The following LARP4B variants were observed in gnomAD, a reference collection of about 807,000 sequenced individuals.
LARP4B encodes the protein la-related protein 4B.
LARP4B carries 12 observed loss-of-function variants against 89.8 expected under a neutral mutation model. The observed-to-expected ratio is 0.13, with a 90% CI of 0.09 to 0.22. The LOEUF (loss-of-function observed/expected upper bound fraction) is 0.22. Ranked by LOEUF, LARP4B falls within the 10% of genes least tolerant of loss-of-function variation. The pLI is 1.00. For synonymous variants in LARP4B, 367 were observed against 363.3 expected (o/e 1.01, Z -0.12); for missense variants, 757 against 947.7 (o/e 0.80, Z 2.64).
At chr10:921,872 G>A (rs1039215528) in intron 1 of LARP4B, among the ~76,000 whole-genome samples, 16 of 152,242 alleles carry the variant, frequency 1.1e-4, no homozygotes, top group African/African-American at 3.4e-4. Context: ...TGAAGGCCAC[G>A]TGCACACGCA....
intron 3 of LARP4B, among the ~76,000 whole-genome samples, chr10:878,085 T>C (rs1835526735): frequency 2.0e-5 from 3 of 151,926 alleles, no homozygotes; most frequent in Admixed American, 6.6e-5. Context: ...AGCCCTGCGG[T>C]AAGGTGATGC....
chr10:864,293 C>A (rs376896759), intron 3 of LARP4B, 23 bp from the exon 4 acceptor site: 3 of 1,613,018 alleles, frequency 1.9e-6, no homozygotes, highest in East Asian at 2.2e-5. Context: ...GTAAGATAGA[C>A]ATTTGTATCC....
the LARP4B span, among the ~76,000 whole-genome samples, chr10:960,395 C>A: frequency 6.6e-6 from 1 of 151,914 alleles, no homozygotes; most frequent in Non-Finnish European, 1.5e-5. Context: ...GGACTAAGAA[C>A]GGGAGGGAGG....
chr10:833,149 G>C lies in LARP4B; in HGVS notation c.751-2172C>G, dbSNP rs149012631. 3.5e-3 allele frequency among the ~76,000 whole-genome samples: 525 copies of C among 150,604 alleles called. 3 individuals carry two copies. The highest frequency in any genetic ancestry group is 0.012 in the African/African-American group (483 of 41,038). On this transcript the variant is annotated intron_variant, in intron 8 of 17. Transcript: ENST00000316157. ...GGTCAGCTAAAAACCCTAAAGAAAG[G>C]GGGTCCAATATTTTGGCTTCCCTGG... is the stretch of plus-strand genomic sequence containing the variant.
chr10:829,430 A>T lies in LARP4B; in HGVS notation c.1080T>A (p.Thr360=), dbSNP rs762991734. The change falls in exon 11 of 18, where the codon ACT becomes ACA. Residue 360 remains threonine (T), a synonymous_variant. Transcript: ENST00000316157. ...TGTGCGTTGCTGACCACGTCTGGGG[A>T]GTGATCAGGCTGTACAGGGGGAACT... ...QQQFPLYSLI[T]PQTWSATHSY... 9.9e-6 allele frequency: 16 copies of T among 1,613,398 alleles called. No individual in the cohort carries two copies. In the East Asian group the frequency reaches 3.6e-4, roughly 36 times the overall value.
intron 5 of LARP4B, among the ~76,000 whole-genome samples, chr10:859,121 A>C (rs1201596524): frequency 6.6e-6 from 1 of 152,190 alleles, no homozygotes; most frequent in African/African-American, 2.4e-5. Flanking sequence ...TCTACTAAAA[A>C]TACAAAATTT....
chr10:910,681 C>A (rs1330441129), intron 1 of LARP4B, among the ~76,000 whole-genome samples: 1 of 152,176 alleles, frequency 6.6e-6, no homozygotes, highest in Non-Finnish European at 1.5e-5. Flanking sequence ...GATTTTGGGT[C>A]AAGGTTTTTC....
chr10:871,126 T>C (rs1412924806), intron 3 of LARP4B, among the ~76,000 whole-genome samples: 3 of 152,234 alleles, frequency 2.0e-5, no homozygotes, highest in Non-Finnish European at 2.9e-5. Flanking sequence ...CACTATACTT[T>C]GCTTGCAGTG....
chr10:917,159 T>C (rs1442617977), intron 1 of LARP4B, among the ~76,000 whole-genome samples: 1 of 152,214 alleles, frequency 6.6e-6, no homozygotes. Context: ...AAATTACAGA[T>C]GACTGAAATG....
the LARP4B span, among the ~76,000 whole-genome samples, chr10:979,204 G>A: frequency 6.6e-6 from 1 of 152,044 alleles, no homozygotes; most frequent in Non-Finnish European, 1.5e-5. Flanking sequence ...CTGTCCTTCT[G>A]GAGTACTTAT....
At chr10:816,166 T>C (rs150690621) in intron 15 of LARP4B, among the ~76,000 whole-genome samples, 55 of 152,092 alleles carry the variant, frequency 3.6e-4, no homozygotes, top group African/African-American at 1.0e-3. Context: ...GAGGCGGAGG[T>C]TGCAGGGAGC....
chr10:868,160 C>G (rs1835011391), intron 3 of LARP4B, among the ~76,000 whole-genome samples: 2 of 151,890 alleles, frequency 1.3e-5, no homozygotes, highest in South Asian at 4.1e-4. Flanking sequence ...TGACTAGGAA[C>G]TGGAGTAATT....
chr10:964,050 T>G, the LARP4B span, among the ~76,000 whole-genome samples: 3 of 152,102 alleles, frequency 2.0e-5, no homozygotes, highest in Admixed American at 1.3e-4. Context: ...TGGCTGTGAG[T>G]TGAGGGTGAT....
chr10:979,475 C>T, the LARP4B span, among the ~76,000 whole-genome samples: 1 of 152,312 alleles, frequency 6.6e-6, no homozygotes, highest in South Asian at 2.1e-4. Context: ...TCCCTTTCTG[C>T]AGGGCTGAGC....
the LARP4B span, among the ~76,000 whole-genome samples, chr10:937,930 G>A: frequency 6.6e-6 from 1 of 151,958 alleles, no homozygotes; most frequent in African/African-American, 2.4e-5. Flanking sequence ...TGTCTCCCAG[G>A]CTGGAGTGCA....
chr10:859,501 T>C (rs1834481020), intron 5 of LARP4B, among the ~76,000 whole-genome samples: 1 of 152,176 alleles, frequency 6.6e-6, no homozygotes, highest in Admixed American at 6.5e-5. Context: ...ACTCTGACCT[T>C]ATGATCCAGC....
intron 1 of LARP4B, among the ~76,000 whole-genome samples, chr10:903,801 A>G (rs1033706983): frequency 6.6e-6 from 1 of 152,096 alleles, no homozygotes; most frequent in Non-Finnish European, 1.5e-5. Flanking sequence ...CATAATACTC[A>G]AAGAGTAAGA....
At chr10:933,359 G>A (rs566902503), upstream of LARP4B, among the ~76,000 whole-genome samples, 16 of 151,926 alleles carry the variant, frequency 1.1e-4, no homozygotes, top group East Asian at 1.2e-3. Flanking sequence ...GTGCTGTCTC[G>A]GGCCCCCAAA....
chr10:828,082 C>T (rs117426659), intron 11 of LARP4B, among the ~76,000 whole-genome samples: 3,225 of 152,204 alleles, frequency 0.021, 64 homozygotes, highest in Admixed American at 0.06. Flanking sequence ...TTCATTTCTC[C>T]GCTTAGAAAC....
Sources: allele counts gnomAD v4.1 joint callset (sites outside exome capture counted in the v4.1 genomes callset), GRCh38; gene constraint gnomAD v4.1.1; transcripts MANE v1.5; gene names NCBI Gene and HGNC (gene_info 2026-07-23, HGNC 2026-07-21).